C16orf74: variants seen among roughly 807,000 people sequenced by gnomAD.
C16orf74 encodes the protein uncharacterized protein C16orf74.
Under a neutral mutation model 6.5 loss-of-function variants are expected in C16orf74, and 10 were observed. That is an observed-to-expected ratio of 1.54 (90% CI 0.95 to 2.61). The LOEUF (loss-of-function observed/expected upper bound fraction) is 2.61, where lower values mean the gene tolerates loss of function less well. Ranked by LOEUF, C16orf74 falls within the 30% of genes most tolerant of loss-of-function variation. C16orf74 has a pLI of 0.00. For missense variants in C16orf74, 141 were observed against 105.9 expected (o/e 1.33, Z -1.45); for synonymous variants, 60 against 42.5 (o/e 1.41, Z -1.60).
chr16:85,713,618 G>C (rs181870490), intron 2 of C16orf74, among the ~76,000 whole-genome samples: 222 of 152,336 alleles, frequency 1.5e-3, no homozygotes, highest in African/African-American at 5.1e-3. Flanking sequence ...TGGACTAGGA[G>C]CTCACACTAC....
rs187551234 is a variant in C16orf74 at position 85,737,632 on chromosome 16, G to T, written c.-18-2397C>A. Among the ~76,000 whole-genome samples, 6 of 152,206 alleles carry T rather than the reference G, an allele frequency of 3.9e-5. No individual in the cohort carries two copies. The East Asian group carries it at 1.2e-3, about 29-fold the overall frequency. On this transcript the variant is annotated intron_variant, in intron 1 of 3. Transcript: ENST00000284245. ...ATCACCTGAGGTCAGGAGTTCGAGA[G>T]CAGCCTGGCCAACATGGTGAAACCC...
At chr16:85,744,839 A>AC (rs1466233716) in intron 1 of C16orf74, among the ~76,000 whole-genome samples, 7 of 125,718 alleles carry the variant, frequency 5.6e-5, no homozygotes, top group South Asian at 4.9e-4. Context: ...CAAAAAAAAA[A>AC]AAAAAAAAAA....
intron 2 of C16orf74, among the ~76,000 whole-genome samples, chr16:85,714,295 G>T (rs1222004639): frequency 6.6e-6 from 1 of 151,978 alleles, no homozygotes; most frequent in Non-Finnish European, 1.5e-5. Context: ...CCAGTGACGA[G>T]CATCCGCCCC....
At chr16:85,739,896 G>C (rs2054284073) in intron 1 of C16orf74, among the ~76,000 whole-genome samples, 1 of 152,142 alleles carries the variant, frequency 6.6e-6, no homozygotes, top group African/African-American at 2.4e-5. Flanking sequence ...TCTGATTATT[G>C]TACTGTGTTC....
intron 1 of C16orf74, among the ~76,000 whole-genome samples, chr16:85,739,564 G>T (rs1007794171): frequency 2.6e-5 from 4 of 152,172 alleles, no homozygotes; most frequent in Non-Finnish European, 5.9e-5. Flanking sequence ...AGATAGGAGA[G>T]CATGACATAC....
At chr16:85,713,278 CT>C (rs1273528150) in intron 2 of C16orf74, among the ~76,000 whole-genome samples, 1 of 152,004 alleles carries the variant, frequency 6.6e-6, no homozygotes, top group Non-Finnish European at 1.5e-5. Context: ...AGACTCCCCC[CT>C]GCTTTTTTTT....
intron 2 of C16orf74, among the ~76,000 whole-genome samples, chr16:85,719,933 C>T (rs10153138): frequency 0.023 from 3,444 of 151,290 alleles, 141 homozygotes; most frequent in African/African-American, 0.08. Context: ...ACAGAGGGGC[C>T]ACAGGGGCTG....
chr16:85,713,124 G>A (rs572688411), intron 2 of C16orf74, among the ~76,000 whole-genome samples: 21 of 152,256 alleles, frequency 1.4e-4, no homozygotes, highest in African/African-American at 3.1e-4. Flanking sequence ...GGTTCCTCTG[G>A]AGGCTGCAAG....
At chr16:85,739,438 T>C (rs781581160) in intron 1 of C16orf74, among the ~76,000 whole-genome samples, 1 of 152,192 alleles carries the variant, frequency 6.6e-6, no homozygotes, top group Non-Finnish European at 1.5e-5. Flanking sequence ...ACAGAAAGAA[T>C]GATGTCTGGA....
intron 1 of C16orf74, among the ~76,000 whole-genome samples, chr16:85,748,339 C>A (rs538174360): frequency 3.2e-4 from 48 of 152,034 alleles, no homozygotes; most frequent in African/African-American, 1.1e-3. Context: ...GTGGCTCACG[C>A]CTGTAATTCC....
chr16:85,728,850 C>A (rs1289927052), intron 2 of C16orf74, among the ~76,000 whole-genome samples: 1 of 152,178 alleles, frequency 6.6e-6, no homozygotes, highest in Non-Finnish European at 1.5e-5. Flanking sequence ...AGAATATGAA[C>A]TCGGATCTCT....
intron 2 of C16orf74, among the ~76,000 whole-genome samples, chr16:85,718,838 T>C (rs2152059544): frequency 6.6e-6 from 1 of 152,366 alleles, no homozygotes; most frequent in East Asian, 1.9e-4. Context: ...CACTTATTCA[T>C]TGATTCCTTC....
At chr16:85,734,604 G>T (rs1197453140) in intron 2 of C16orf74, among the ~76,000 whole-genome samples, 2 of 152,184 alleles carry the variant, frequency 1.3e-5, no homozygotes, top group African/African-American at 4.8e-5. Flanking sequence ...GGAGAACAAA[G>T]CAACTGTCAC....
Position 85,728,369 on chromosome 16 carries a change from A to C in C16orf74, c.28+6821T>G, listed in dbSNP as rs151144306. On this transcript the variant is annotated intron_variant, in intron 2 of 3. Transcript: ENST00000284245. ...AAAGTCTAATTAAAAAAACAATGAC[A>C]AACTACCAACCCAGGACAAAGCCTT... is the stretch of plus-strand genomic sequence containing the variant. 6.2e-3 allele frequency among the ~76,000 whole-genome samples: 938 copies of C among 152,216 alleles called. 12 individuals carry two copies. Among genetic ancestry groups the C allele is most frequent in the African/African-American group, 0.022 (895 of 41,508 alleles).
intron 2 of C16orf74, among the ~76,000 whole-genome samples, chr16:85,718,362 G>A (rs953408063): frequency 6.6e-6 from 1 of 152,140 alleles, no homozygotes; most frequent in Non-Finnish European, 1.5e-5. Context: ...CACCCCATAC[G>A]GCCTGATTCT....
chr16:85,748,408 A>T (rs993911454), intron 1 of C16orf74, among the ~76,000 whole-genome samples: 1 of 151,468 alleles, frequency 6.6e-6, no homozygotes, highest in African/African-American at 2.4e-5. Context: ...GGCCAGCCTG[A>T]CCAACAGGGC....
At position 85,745,361 on chromosome 16, in the gene C16orf74, A is replaced by G. The variant is rs146285201; in HGVS notation, c.-19+5565T>C. ...ATCTCCAGGGACAGGTCCCACTTCC[A>G]TGTTGGCTGTGTTTGTTTTTGCAAC... is the stretch of plus-strand genomic sequence containing the variant. On this transcript the variant is annotated intron_variant, in intron 1 of 3. Coordinates refer to ENST00000284245, the MANE Select transcript of C16orf74 (RefSeq NM_206967.3). Among the ~76,000 whole-genome samples the G allele has an allele frequency of 3.3e-5, 5 of 152,246 alleles. No individual in the cohort carries two copies. In the East Asian group the frequency reaches 9.6e-4, roughly 29 times the overall value.
At chr16:85,743,399 C>G (rs1187418750) in intron 1 of C16orf74, 1 of 152,094 alleles carries the variant, frequency 6.6e-6, no homozygotes, top group Non-Finnish European at 1.5e-5. Flanking sequence ...CCTAACAATG[C>G]CCTAAGAGAT....
chr16:85,719,055 T>G (rs2054053000), intron 2 of C16orf74, among the ~76,000 whole-genome samples: 1 of 152,232 alleles, frequency 6.6e-6, no homozygotes, highest in African/African-American at 2.4e-5. Flanking sequence ...CATCTGAATC[T>G]CACTTCTGCT....
Sources: allele counts gnomAD v4.1 joint callset (sites outside exome capture counted in the v4.1 genomes callset), GRCh38; gene constraint gnomAD v4.1.1; transcripts MANE v1.5; gene names NCBI Gene and HGNC (gene_info 2026-07-23, HGNC 2026-07-21).